Variants in SUPT3H observed in about 807,000 individuals in gnomAD.
The protein encoded by SUPT3H is transcription initiation protein SPT3 homolog.
Under a neutral mutation model 44.3 loss-of-function variants are expected in SUPT3H, and 44 were observed. The ratio of observed to expected loss-of-function variants is 0.99; its 90% CI spans 0.78 to 1.28. The LOEUF (loss-of-function observed/expected upper bound fraction) is 1.28. SUPT3H is among the 50% of genes most tolerant of loss of function. The probability of loss-of-function intolerance (pLI) is 0.00; values close to 1 mark genes in which losing one functional copy is unlikely to be tolerated. For synonymous variants in SUPT3H, 124 were observed against 125.6 expected, an observed-to-expected ratio of 0.99 and a Z score of 0.09; for missense variants, 380 against 387.1, an observed-to-expected ratio of 0.98 and a Z score of 0.15.
chr6:45,195,320 C>G (rs10456122), intron 2 of SUPT3H, among the ~76,000 whole-genome samples: 34,517 of 151,998 alleles, frequency 0.23, 4,604 homozygotes, highest in Non-Finnish European at 0.31. Context: ...CAAAAGCCAC[C>G]AACTAGGTAC....
intron 9 of SUPT3H, among the ~76,000 whole-genome samples, chr6:44,939,331 T>C (rs1467487898): frequency 1.6e-5 from 2 of 128,474 alleles, no homozygotes; most frequent in Non-Finnish European, 1.7e-5. Flanking sequence ...ATAATCACGA[T>C]TTTTGTCCTT....
At chr6:45,242,780 A>G (rs1457685237) in intron 2 of SUPT3H, among the ~76,000 whole-genome samples, 2 of 152,216 alleles carry the variant, frequency 1.3e-5, no homozygotes, top group East Asian at 3.8e-4. Flanking sequence ...ACTCACCACC[A>G]AATAATTTAT....
intron 1 of SUPT3H, among the ~76,000 whole-genome samples, chr6:45,369,683 C>A (rs912982069): frequency 2.0e-5 from 3 of 152,102 alleles, no homozygotes; most frequent in Non-Finnish European, 4.4e-5. Context: ...TAAGTATTTA[C>A]GGGGCACCTA....
intron 2 of SUPT3H, among the ~76,000 whole-genome samples, chr6:45,247,690 A>ATTTT (rs10673729): frequency 6.9e-6 from 1 of 144,764 alleles, no homozygotes; most frequent in Non-Finnish European, 1.5e-5. Flanking sequence ...TTCTTTTTCC[A>ATTTT]TTTTTTTTTT....
At position 45,084,645 on chromosome 6, in the gene SUPT3H, CA is replaced by C. The variant is rs1796261133; in HGVS notation, c.186+21276del. 2.0e-5 allele frequency among the ~76,000 whole-genome samples: 3 copies of C among 152,060 alleles called. No individual in the cohort carries two copies. In the South Asian group the frequency reaches 6.2e-4, roughly 32 times the overall value. On this transcript the variant is annotated intron_variant, in intron 3 of 10. Coordinates refer to ENST00000371459, the MANE Select transcript of SUPT3H (RefSeq NM_003599.4). ...CTCAAAGGAAAATAGATCATTCTACCAAAACCACACATGCACTCATGTTCAT... is the reference window on the plus strand; with the variant it reads ...CTCAAAGGAAAATAGATCATTCTACCAAACCACACATGCACTCATGTTCAT...
At chr6:45,258,064 T>C (rs1773709916) in intron 2 of SUPT3H, among the ~76,000 whole-genome samples, 1 of 152,222 alleles carries the variant, frequency 6.6e-6, no homozygotes, top group South Asian at 2.1e-4. Context: ...TTAACATCGT[T>C]CTTGAATAAT....
At chr6:44,982,896 G>A (rs1005217592) in intron 6 of SUPT3H, among the ~76,000 whole-genome samples, 2 of 152,176 alleles carry the variant, frequency 1.3e-5, no homozygotes, top group Admixed American at 6.5e-5. Flanking sequence ...AGAGATGCTC[G>A]TATAGTGAAT....
chr6:44,824,597 CTT>C (rs1767602407), downstream of SUPT3H, among the ~76,000 whole-genome samples: 1 of 152,088 alleles, frequency 6.6e-6, no homozygotes, highest in Non-Finnish European at 1.5e-5. Flanking sequence ...GCAGAACAAA[CTT>C]AGGGTTGAAT....
chr6:45,296,663 C>T (rs534055795), intron 2 of SUPT3H, among the ~76,000 whole-genome samples: 6 of 133,906 alleles, frequency 4.5e-5, no homozygotes, highest in Admixed American at 2.7e-4. Flanking sequence ...CACTTGAACC[C>T]GGGACACGGA....
chr6:45,287,803 T>C (rs1323336823), intron 2 of SUPT3H, among the ~76,000 whole-genome samples: 2 of 152,206 alleles, frequency 1.3e-5, no homozygotes, highest in Non-Finnish European at 1.5e-5. Context: ...AGACCATTAA[T>C]CAATTTCAAT....
chr6:45,181,102 A>C (rs897619145), intron 2 of SUPT3H, among the ~76,000 whole-genome samples: 1 of 151,110 alleles, frequency 6.6e-6, no homozygotes, highest in Admixed American at 6.6e-5. Flanking sequence ...GCAGCCAAGA[A>C]ACACATGAAA....
Position 44,934,013 on chromosome 6 carries a change from T to C in SUPT3H, c.802-1250A>G, listed in dbSNP as rs531359600. 3.3e-5 allele frequency among the ~76,000 whole-genome samples: 5 copies of C among 152,326 alleles called. No homozygotes were observed. The South Asian group carries it at 1.0e-3, about 32-fold the overall frequency. ...CTCATTTACTTCAAAGTATAGTAGG[T>C]AGCAGATGGCAGGCCATCAACATTA... On this transcript the variant is annotated intron_variant, in intron 9 of 10. Transcript: ENST00000371459.
In SUPT3H at chr6:44,828,269, TTAATCA is replaced by T. The variant is rs58038926; in HGVS notation, c.*1541_*1546del. On this transcript the variant is annotated 3_prime_UTR_variant, in exon 11 of 11. Transcript: ENST00000371459. ...AAGGAAAATAAGAATGATAAAAAGT[TTAATCA>T]TAATCATACATTTTAACAAGCATAG... 0.09 allele frequency among the ~76,000 whole-genome samples: 13,680 copies of T among 152,090 alleles called. 1,032 individuals are homozygous for T. The highest frequency in any genetic ancestry group is 0.21 in the African/African-American group (8,572 of 41,454).
intron 2 of SUPT3H, among the ~76,000 whole-genome samples, chr6:45,204,163 C>T (rs893780775): frequency 6.6e-6 from 1 of 151,778 alleles, no homozygotes. Context: ...AGGAGAATAG[C>T]TTGAACCCAG....
intron 3 of SUPT3H, among the ~76,000 whole-genome samples, chr6:45,084,453 A>C (rs975190661): frequency 4.6e-5 from 7 of 152,144 alleles, no homozygotes; most frequent in Non-Finnish European, 8.8e-5. Flanking sequence ...ACCATCTCAT[A>C]CCAATCAAAA....
intron 2 of SUPT3H, among the ~76,000 whole-genome samples, chr6:45,120,190 C>A (rs2153578710): frequency 2.0e-5 from 3 of 151,784 alleles, no homozygotes; most frequent in Admixed American, 2.0e-4. Context: ...CAAACAAAAA[C>A]CCTCTAACTG....
At chr6:44,968,335 C>T (rs776725776) in intron 6 of SUPT3H, among the ~76,000 whole-genome samples, 8 of 152,124 alleles carry the variant, frequency 5.3e-5, no homozygotes, top group African/African-American at 9.7e-5. Context: ...ATATGTATAA[C>T]GTGGTCCACT....
intron 3 of SUPT3H, among the ~76,000 whole-genome samples, chr6:45,105,650 T>G: frequency 6.6e-6 from 1 of 152,210 alleles, no homozygotes; most frequent in African/African-American, 2.4e-5. Flanking sequence ...TGATGATGGC[T>G]GCTGACTGCC....
intron 2 of SUPT3H, among the ~76,000 whole-genome samples, chr6:45,289,439 A>C (rs904538766): frequency 6.6e-6 from 1 of 152,166 alleles, no homozygotes; most frequent in African/African-American, 2.4e-5. Flanking sequence ...TTATCAAATA[A>C]AATATTGAGG....
Sources: gnomAD v4.1 joint callset for allele counts (sites outside exome capture counted in the v4.1 genomes callset) on GRCh38, gnomAD v4.1.1 for gene constraint, MANE v1.5 for transcripts, NCBI Gene and HGNC (gene_info 2026-07-23, HGNC 2026-07-21) for gene names.